RRAGB: variants seen among roughly 807,000 people sequenced by gnomAD.
RRAGB encodes Ras related GTP binding B, also known as ras-related GTP-binding protein B.
In RRAGB, 6 loss-of-function variants were observed where a neutral mutation model predicts 29.3. The ratio of observed to expected loss-of-function variants is 0.21; its 90% CI spans 0.11 to 0.40. The LOEUF is 0.40. Among genes scored for constraint, RRAGB ranks in the 10% least tolerant of loss-of-function variants. The probability of loss-of-function intolerance (pLI) is 1.00; values close to 1 mark genes in which losing one functional copy is unlikely to be tolerated. For synonymous variants in RRAGB, 101 were observed against 92.5 expected, an observed-to-expected ratio of 1.09 and a Z score of -0.53; for missense variants, 184 against 272.9, an observed-to-expected ratio of 0.67 and a Z score of 2.29.
At chrX:55,722,436 T>C (rs1013589479) in intron 3 of RRAGB, 151 bp downstream of exon 3, 1 of 373,952 alleles carries the variant, frequency 2.7e-6, no homozygotes, top group South Asian at 7.0e-5. Context: ...TTCAAAGAGG[T>C]GTGGCCTAAT....
At position 55,717,962 on chromosome X, in the gene RRAGB, T is replaced by C. The variant is rs1046531138; in HGVS notation, c.-366T>C. On this transcript the variant is annotated 5_prime_UTR_variant, in exon 1 of 10. Transcript: ENST00000374941. ...CACCTCCGCCTTCGCGGTCCTCACC[T>C]CTTTGCGGGTGAAGTTACCTTTGGG... 1.4e-5 allele frequency: 2 copies of C among 140,607 alleles called. No homozygotes were observed. The highest frequency in any genetic ancestry group is 3.4e-4 in the East Asian group (2 of 5,911). 11.6% of individuals were successfully genotyped at this position (140,607 alleles called of 1,213,427 possible).
intron 6 of RRAGB, 121 bp from the exon 7 acceptor site, chrX:55,753,271 T>C (rs2034571004): frequency 2.0e-6 from 1 of 494,694 alleles, no homozygotes; most frequent in Non-Finnish European, 3.1e-6. Context: ...ATGTCAGTAT[T>C]TGTTTGGGAC....
chrX:55,718,253 AAAC>A lies in RRAGB; in HGVS notation c.-72_-70del. 1.2e-6 allele frequency: 1 copy of A among 824,022 alleles called. No individual in the cohort carries two copies. The highest frequency in any genetic ancestry group is 1.7e-6 in the Non-Finnish European group (1 of 584,339). 67.9% of individuals were successfully genotyped at this position (824,022 alleles called of 1,213,427 possible). The stretch of plus-strand genomic sequence containing the variant: ...ATAGGCAGTTGAGGGGTGAAAAAGA[AAAC>A]AAACAAACAACAACAACAAACCCTG... On this transcript the variant is annotated 5_prime_UTR_variant, in exon 1 of 10. Coordinates refer to ENST00000374941, the MANE Select transcript of RRAGB (RefSeq NM_006064.5).
chrX:55,748,787 G>A (rs1423328896), intron 5 of RRAGB, among the ~76,000 whole-genome samples: 54 of 109,634 alleles, frequency 4.9e-4, no homozygotes, highest in African/African-American at 1.7e-3. Context: ...GGGAGGTGGG[G>A]GGGTCAGCCC....
At chrX:55,722,774 C>T (rs998511438) in intron 3 of RRAGB, among the ~76,000 whole-genome samples, 1 of 111,902 alleles carries the variant, frequency 8.9e-6, no homozygotes, top group Non-Finnish European at 1.9e-5. Context: ...TAGATGATCT[C>T]ATTAGAGTTT....
At chrX:55,738,221 T>C (rs999140627) in intron 5 of RRAGB, among the ~76,000 whole-genome samples, 3 of 112,635 alleles carry the variant, frequency 2.7e-5, no homozygotes, top group African/African-American at 9.7e-5. Flanking sequence ...CTATGATTAT[T>C]CACCTGTAAT....
At chrX:55,728,282 C>T (rs906104066) in intron 3 of RRAGB, among the ~76,000 whole-genome samples, 5 of 111,810 alleles carry the variant, frequency 4.5e-5, no homozygotes, top group Admixed American at 2.8e-4. Flanking sequence ...GCAAATGAAC[C>T]AGAGCTGAGT....
At chrX:55,724,181 C>T (rs2033397073) in intron 3 of RRAGB, among the ~76,000 whole-genome samples, 1 of 112,129 alleles carries the variant, frequency 8.9e-6, no homozygotes. Context: ...TATTAAAACA[C>T]ATACCCTTCT....
At chrX:55,730,184 C>T (rs1203739109) in intron 4 of RRAGB, among the ~76,000 whole-genome samples, 1 of 112,086 alleles carries the variant, frequency 8.9e-6, no homozygotes, top group Non-Finnish European at 1.9e-5. Context: ...AGCATAGAGC[C>T]AGCCATAGAG....
intron 5 of RRAGB, among the ~76,000 whole-genome samples, chrX:55,748,126 T>C (rs2034320475): frequency 8.9e-6 from 1 of 112,814 alleles, no homozygotes. Flanking sequence ...AGCCTCGGCC[T>C]CCGGAGGTGC....
chrX:55,758,489 A>AT lies in RRAGB; in HGVS notation c.*148dup. 1 of 374,527 alleles carries AT rather than the reference A, an allele frequency of 2.7e-6. No homozygotes were observed. The highest frequency in any genetic ancestry group is 4.6e-6 in the Non-Finnish European group (1 of 216,197). The allele number at this position is 374,527 out of a possible 1,213,427, so 30.9% of individuals were successfully genotyped here. ...GTCTTAATGTTTAACCTTGAATGCT[A>AT]TTAACTTAAATAGCCATTGAGGAGT... is the stretch of plus-strand genomic sequence containing the variant. On this transcript the variant is annotated 3_prime_UTR_variant, in exon 10 of 10. Transcript: ENST00000374941.
intron 5 of RRAGB, among the ~76,000 whole-genome samples, chrX:55,743,304 G>T (rs1207456355): frequency 8.9e-6 from 1 of 112,454 alleles, no homozygotes; most frequent in Non-Finnish European, 1.9e-5. Context: ...GTGTAATTCA[G>T]TAATCATGTC....
rs1184344035 is a variant in RRAGB at position 55,718,155 on chromosome X, G to A, written c.-173G>A. 8.9e-6 allele frequency: 3 copies of A among 337,749 alleles called. No individual in the cohort carries two copies. The highest frequency in any genetic ancestry group is 4.4e-5 in the East Asian group (1 of 22,624). The allele number at this position is 337,749 out of a possible 1,213,427, so 27.8% of individuals were successfully genotyped here. A position where few individuals can be genotyped will look rare whatever the true frequency, so the allele number is the denominator to read the frequency against. On this transcript the variant is annotated 5_prime_UTR_variant, in exon 1 of 10. Transcript: ENST00000374941. ...AGGTTCGAGAGATAAAGGTAACCGT[G>A]GGGAAAGCGGCCCCCCAGTGGACAA...
chrX:55,730,969 TG>T (rs1185746610), intron 4 of RRAGB, among the ~76,000 whole-genome samples: 1 of 107,499 alleles, frequency 9.3e-6, no homozygotes, highest in Non-Finnish European at 1.9e-5. Flanking sequence ...GATGAGGAGG[TG>T]GGGGGTAGCA....
At position 55,738,468 on chromosome X, in the gene RRAGB, ACT is replaced by A. The variant is rs772170137; in HGVS notation, c.516+6885_516+6886del. ...TAAGGGTAGCAGGAGAGTGACATAGACTCTGAAAGATTTCCCTGGCTAAAAAT... is the reference window on the plus strand; with the variant it reads ...TAAGGGTAGCAGGAGAGTGACATAGACTGAAAGATTTCCCTGGCTAAAAAT... On this transcript the variant is annotated intron_variant, in intron 5 of 9. Coordinates refer to ENST00000374941, the MANE Select transcript of RRAGB (RefSeq NM_006064.5). Among the ~76,000 whole-genome samples the A allele has an allele frequency of 2.7e-5, 3 of 112,002 alleles. No individual in the cohort carries two copies. In the East Asian group the frequency reaches 8.5e-4, roughly 32 times the overall value.
intron 5 of RRAGB, among the ~76,000 whole-genome samples, chrX:55,750,513 TTAAC>T (rs2034492469): frequency 1.8e-5 from 2 of 111,531 alleles, no homozygotes; most frequent in Admixed American, 9.5e-5. Flanking sequence ...AATGTTAATC[TTAAC>T]TAAAAAAATG....
At position 55,751,075 on chromosome X, in the gene RRAGB, T is replaced by A. The variant is rs369937944; in HGVS notation, c.517-26T>A. 5 of 901,032 alleles carry A rather than the reference T, an allele frequency of 5.5e-6. No individual in the cohort carries two copies. The African/African-American group carries it at 7.8e-5, about 14-fold the overall frequency. 74.3% of individuals were successfully genotyped at this position (901,032 alleles called of 1,213,427 possible). A position where few individuals can be genotyped will look rare whatever the true frequency, so the allele number is the denominator to read the frequency against. On this transcript the variant is annotated intron_variant, in intron 5 of 9. Transcript: ENST00000374941. The stretch of plus-strand genomic sequence containing the variant: ...AAAGATGGGAACTATTATATGCTGA[T>A]CAGTATGTTGGGCTTTTTAATTTAG...
In RRAGB at chrX:55,738,024, G is replaced by C. The variant is rs546816638; in HGVS notation, c.516+6438G>C. Among the ~76,000 whole-genome samples the C allele has an allele frequency of 1.8e-4, 20 of 112,521 alleles. 2 individuals are homozygous for C. The South Asian group carries it at 7.0e-3, about 40-fold the overall frequency. On this transcript the variant is annotated intron_variant, in intron 5 of 9. Transcript: ENST00000374941. ...TCGTCTTTGAGCTTGGATACCAGCA[G>C]TCTGCTGCAAGGGCCAGAGAGGCCA...
At chrX:55,758,151 G>T in intron 9 of RRAGB, 95 bp from the exon 10 acceptor site, 1 of 491,593 alleles carries the variant, frequency 2.0e-6, no homozygotes. Context: ...TACATTGAGG[G>T]ATTTGGCTCT....
Sources: gnomAD v4.1 joint callset for allele counts (sites outside exome capture counted in the v4.1 genomes callset) on GRCh38, gnomAD v4.1.1 for gene constraint, MANE v1.5 for transcripts, NCBI Gene and HGNC (gene_info 2026-07-23, HGNC 2026-07-21) for gene names.